The following ADGRG5 variants were observed in gnomAD, a reference collection of about 807,000 sequenced individuals.
ADGRG5 encodes the protein G protein-coupled receptor 114.
In ADGRG5, 37 loss-of-function variants were observed where a neutral mutation model predicts 53.2. That is an observed-to-expected ratio of 0.70 (90% CI 0.53 to 0.91). The LOEUF (loss-of-function observed/expected upper bound fraction) is 0.91. Ranked by LOEUF, ADGRG5 falls within the 40% of genes least tolerant of loss-of-function variation. ADGRG5 has a pLI of 0.00. For missense variants in ADGRG5, 614 were observed against 675.8 expected (o/e 0.91, Z 1.01); for synonymous variants, 277 against 290.4 (o/e 0.95, Z 0.47).
chr16:57,563,013 C>G, intron 3 of ADGRG5, 78 bp from the exon 4 acceptor site: 1 of 1,501,414 alleles, frequency 6.7e-7, no homozygotes, highest in Non-Finnish European at 9.2e-7. Flanking sequence ...GCCCTGCCCT[C>G]CCAGGCTGTC....
chr16:57,566,778 A>T (rs942125542), intron 7 of ADGRG5, 27 bp downstream of exon 7: 1 of 1,416,140 alleles, frequency 7.1e-7, no homozygotes, highest in Non-Finnish European at 9.3e-7. Flanking sequence ...AGTGGGGCTC[A>T]GAGCTACAGA....
At chr16:57,547,519 A>G (rs2032647822) in intron 1 of ADGRG5, among the ~76,000 whole-genome samples, 1 of 152,182 alleles carries the variant, frequency 6.6e-6, no homozygotes, top group South Asian at 2.1e-4. Flanking sequence ...ATCTCGGCTC[A>G]CTGCAACCTC....
Position 57,573,127 on chromosome 16 carries a change from G to A in ADGRG5, c.1209-1688G>A, listed in dbSNP as rs138911102. Among the ~76,000 whole-genome samples the A allele has an allele frequency of 3.1e-3, 471 of 152,138 alleles. 5 individuals are homozygous for A. The highest frequency in any genetic ancestry group is 0.011 in the African/African-American group (454 of 41,488). ...GGTGGAGGGTGTCCAGGTTCTTGGC[G>A]TCTTGAACCAAGAATTGGACAAGCC... is the stretch of plus-strand genomic sequence containing the variant. On this transcript the variant is annotated intron_variant, in intron 10 of 11. Transcript: ENST00000349457.
the ADGRG5 span, among the ~76,000 whole-genome samples, chr16:57,532,706 CA>C: frequency 8.1e-6 from 1 of 123,444 alleles, no homozygotes; most frequent in Admixed American, 7.8e-5. Flanking sequence ...CAGACACACA[CA>C]CACACACACA....
the ADGRG5 span, among the ~76,000 whole-genome samples, chr16:57,531,233 C>T: frequency 6.6e-6 from 1 of 152,014 alleles, no homozygotes; most frequent in South Asian, 2.1e-4. Context: ...CTCCATTCCC[C>T]CCGTGACCAG....
At chr16:57,538,896 T>G (rs1280444184), upstream of ADGRG5, among the ~76,000 whole-genome samples, 4 of 152,166 alleles carry the variant, frequency 2.6e-5, no homozygotes, top group African/African-American at 9.7e-5. Flanking sequence ...GCTAGGTAAA[T>G]AGAAAATTTG....
At chr16:57,530,843 G>A in the ADGRG5 span, among the ~76,000 whole-genome samples, 2 of 151,768 alleles carry the variant, frequency 1.3e-5, no homozygotes, top group African/African-American at 4.8e-5. Context: ...TCTCCACTCC[G>A]TCTACCTGCT....
intron 1 of ADGRG5, among the ~76,000 whole-genome samples, chr16:57,555,198 A>G (rs1251583719): frequency 1.3e-5 from 2 of 152,180 alleles, no homozygotes; most frequent in Non-Finnish European, 2.9e-5. Context: ...AGTGTTGTTC[A>G]TGTCTTCTGA....
At chr16:57,539,516 G>A (rs1261215848), upstream of ADGRG5, among the ~76,000 whole-genome samples, 1 of 145,902 alleles carries the variant, frequency 6.9e-6, no homozygotes, top group African/African-American at 2.6e-5. Context: ...GCAATGGTTC[G>A]AACACAACTC....
intron 1 of ADGRG5, among the ~76,000 whole-genome samples, chr16:57,551,279 C>T (rs78168051): frequency 0.025 from 3,743 of 152,208 alleles, 159 homozygotes; most frequent in African/African-American, 0.086. Context: ...TGAAGTTTGC[C>T]ACATCAGTTG....
At chr16:57,531,581 C>A in the ADGRG5 span, among the ~76,000 whole-genome samples, 1 of 152,136 alleles carries the variant, frequency 6.6e-6, no homozygotes, top group South Asian at 2.1e-4. Flanking sequence ...ACTCTGATGG[C>A]CCCTCCCTGT....
the ADGRG5 span, among the ~76,000 whole-genome samples, chr16:57,535,232 C>G: frequency 6.6e-6 from 1 of 152,224 alleles, no homozygotes; most frequent in South Asian, 2.1e-4. Context: ...TGCAGGACCT[C>G]TGGGGGGAGC....
rs2033473417 is a variant in ADGRG5 at position 57,574,980 on chromosome 16, T to C, written c.1374T>C (p.Thr458=). 1.2e-6 allele frequency: 2 copies of C among 1,613,960 alleles called. No homozygotes were observed. Among genetic ancestry groups the C allele is most frequent in the South Asian group, 1.1e-5 (1 of 91,080 alleles). ...PSVRACHDTV[T]VLGLTVLLGT... ...TCAGGGCCTGCCATGACACTGTCAC[T>C]GTGCTGGGCCTCACCGTGCTGCTGG... The change falls in exon 11 of 12, where the codon ACT becomes ACC. Residue 458 remains threonine (T), a synonymous_variant. Transcript: ENST00000349457. This position sits in a 1 kb window ranked among gnomAD's most constrained non-coding sequence, Gnocchi z 4.4.
the ADGRG5 span, among the ~76,000 whole-genome samples, chr16:57,532,702 C>G: frequency 2.6e-4 from 1 of 3,812 alleles, no homozygotes; most frequent in Non-Finnish European, 7.8e-4. Context: ...GAAGCAGACA[C>G]ACACACACAC....
At chr16:57,545,814 A>G (rs62036078) in intron 1 of ADGRG5, among the ~76,000 whole-genome samples, 68,874 of 151,586 alleles carry the variant, frequency 0.45, 15,952 homozygotes, top group East Asian at 0.67. Flanking sequence ...TCACATGTGC[A>G]AGTTCACCAT....
intron 1 of ADGRG5, among the ~76,000 whole-genome samples, chr16:57,550,757 C>T (rs1187864230): frequency 3.9e-5 from 6 of 152,152 alleles, no homozygotes; most frequent in African/African-American, 7.2e-5. Context: ...CGGCCAGGCA[C>T]GGTGGCTCAT....
rs140469877 is a variant in ADGRG5, at chr16:57,570,368, C to T, written c.1091-50C>T. On this transcript the variant is annotated intron_variant, in intron 9 of 11. Coordinates refer to ENST00000349457, the MANE Select transcript of ADGRG5 (RefSeq NM_001304376.3). ...CAGCCCCAGGGACCGCCCCAGGGAC[C>T]GAGGGTCAGCCCTCTCCCACATCTC... The T allele has an allele frequency of 1.3e-3, 1,591 of 1,266,646 alleles. 11 individuals carry two copies. The African/African-American group carries it at 0.017, about 14-fold the overall frequency. 78.5% of individuals were successfully genotyped at this position (1,266,646 alleles called of 1,614,324 possible). A position where few individuals can be genotyped will look rare whatever the true frequency, so the allele number is the denominator to read the frequency against.
intron 3 of ADGRG5, 74 bp from the exon 4 acceptor site, chr16:57,563,017 G>T (rs2033040538): frequency 1.3e-6 from 2 of 1,523,822 alleles, no homozygotes; most frequent in Admixed American, 3.4e-5. Context: ...TGCCCTCCCA[G>T]GCTGTCTACA....
Position 57,570,538 on chromosome 16 carries a change from G to A in ADGRG5, c.1208+3G>A, listed in dbSNP as rs902264552. On this transcript the variant is annotated splice_donor_region_variant and intron_variant, in intron 10 of 11. Coordinates refer to ENST00000349457, the MANE Select transcript of ADGRG5 (RefSeq NM_001304376.3). ...ACAGGCTTCCAGAACATGTCCATGT[G>A]AGTGCCCTCAGGGCTGCAGTGGGCT... The A allele has an allele frequency of 3.1e-6, 5 of 1,607,698 alleles. No homozygotes were observed. The highest frequency in any genetic ancestry group is 4.3e-6 in the Non-Finnish European group (5 of 1,175,046).
Sources: gnomAD v4.1 joint callset for allele counts (sites outside exome capture counted in the v4.1 genomes callset) on GRCh38, gnomAD v4.1.1 for gene constraint, Gnocchi (gnomAD v3.1) non-coding constraint, MANE v1.5 for transcripts, NCBI Gene and HGNC (gene_info 2026-07-23, HGNC 2026-07-21) for gene names.